Variants in SLC4A4 observed in about 807,000 individuals in gnomAD.
SLC4A4 encodes solute carrier family 4 member 4.
In SLC4A4, 27 loss-of-function variants were observed where a neutral mutation model predicts 111.5. The ratio of observed to expected loss-of-function variants is 0.24; its 90% CI spans 0.18 to 0.33. The LOEUF (loss-of-function observed/expected upper bound fraction) is 0.33, where lower values mean the gene tolerates loss of function less well. SLC4A4 is among the 10% of genes least tolerant of loss of function. The probability of loss-of-function intolerance (pLI) is 1.00; values close to 1 mark genes in which losing one functional copy is unlikely to be tolerated. For missense variants in SLC4A4, 909 were observed against 1,315.5 expected (o/e 0.69, Z 4.78); for synonymous variants, 443 against 463.4 (o/e 0.96, Z 0.57).
chr4:71,363,746 G>A (rs1731007009), intron 6 of SLC4A4, among the ~76,000 whole-genome samples: 1 of 152,030 alleles, frequency 6.6e-6, no homozygotes, highest in African/African-American at 2.4e-5. Context: ...GTTTTGTTCA[G>A]GACTCTCATT....
Position 71,255,335 on chromosome 4 carries a change from C to G in SLC4A4, c.189C>G (p.Asn63Lys). The change falls in exon 3 of 26, where the codon AAC (asparagine) becomes AAG (lysine). Residue 63 changes from asparagine to lysine, a missense_variant. Asn to Lys is a moderately conservative substitution (Grantham distance 94, BLOSUM62 0). Coordinates refer to ENST00000264485, the MANE Select transcript of SLC4A4 (RefSeq NM_001098484.3). ...EKKEKERISE[N>K]YSDKSDIENA... The stretch of plus-strand genomic sequence containing the variant: ...AGGAAAAGGAGAGAATCTCTGAGAA[C>G]TACTCTGACAAATCAGATATTGAAA... The G allele has an allele frequency of 6.2e-7, 1 of 1,613,582 alleles. No individual in the cohort carries two copies. The highest frequency in any genetic ancestry group is 1.3e-5 in the African/African-American group (1 of 74,984).
At chr4:71,160,938 A>G (rs1416126580) in intron 2 of SLC4A4, among the ~76,000 whole-genome samples, 1 of 152,252 alleles carries the variant, frequency 6.6e-6, no homozygotes. Flanking sequence ...GAAGTAGGTT[A>G]CCTTCAATAA....
chr4:71,260,708 G>T (rs1430985591), intron 3 of SLC4A4, among the ~76,000 whole-genome samples: 1 of 152,212 alleles, frequency 6.6e-6, no homozygotes, highest in African/African-American at 2.4e-5. Context: ...GTGGTTAAGA[G>T]TGCATATTTG....
chr4:71,414,943 C>A (rs974098400), intron 7 of SLC4A4, among the ~76,000 whole-genome samples: 2 of 152,164 alleles, frequency 1.3e-5, no homozygotes, highest in African/African-American at 4.8e-5. Context: ...TGAACATAGT[C>A]ATTCAAGGAT....
intron 2 of SLC4A4, among the ~76,000 whole-genome samples, chr4:71,254,179 T>C (rs1721276121): frequency 6.6e-6 from 1 of 152,152 alleles, no homozygotes; most frequent in South Asian, 2.1e-4. Context: ...GAAAATCTAA[T>C]CTAATTTGCA....
At chr4:71,286,984 T>C (rs1279911410) in intron 3 of SLC4A4, among the ~76,000 whole-genome samples, 1 of 152,212 alleles carries the variant, frequency 6.6e-6, no homozygotes, top group East Asian at 1.9e-4. Context: ...AGGTCATGCC[T>C]TTAGTCAATG....
In SLC4A4 at chr4:71,448,663, T is replaced by C. The variant is rs536436851; in HGVS notation, c.1053+930T>C. Among the ~76,000 whole-genome samples the C allele has an allele frequency of 8.9e-4, 136 of 152,322 alleles. No individual in the cohort carries two copies. The South Asian group carries it at 0.012, about 13-fold the overall frequency. ...ATGCATTTTAGATATGAGAAAATTC[T>C]GAACTATTCCCATAGGAGGAGAAAT... On this transcript the variant is annotated intron_variant, in intron 9 of 25. Coordinates refer to ENST00000264485, the MANE Select transcript of SLC4A4 (RefSeq NM_001098484.3).
intron 2 of SLC4A4, among the ~76,000 whole-genome samples, chr4:71,095,941 A>G (rs1290349915): frequency 6.6e-6 from 1 of 152,174 alleles, no homozygotes; most frequent in Non-Finnish European, 1.5e-5. Context: ...AGAAGACAGC[A>G]TGTATGAAAG....
chr4:71,079,894 A>G (rs894105667), intron 1 of SLC4A4, among the ~76,000 whole-genome samples: 1 of 151,062 alleles, frequency 6.6e-6, no homozygotes, highest in African/African-American at 2.5e-5. Context: ...GTTTAAGTGT[A>G]TGCTGAAAGC....
intron 3 of SLC4A4, among the ~76,000 whole-genome samples, chr4:71,275,337 A>T (rs1353466131): frequency 6.6e-6 from 1 of 152,220 alleles, no homozygotes; most frequent in Non-Finnish European, 1.5e-5. Context: ...TGAGCAAAGG[A>T]TCATTTAAAC....
intron 3 of SLC4A4, among the ~76,000 whole-genome samples, chr4:71,310,366 C>T (rs562749807): frequency 3.4e-4 from 52 of 152,040 alleles, no homozygotes; most frequent in Admixed American, 3.4e-3. Context: ...AAGAGCAACC[C>T]CAAGACACAT....
At chr4:71,335,523 C>A (rs1359559245) in intron 3 of SLC4A4, among the ~76,000 whole-genome samples, 1 of 152,018 alleles carries the variant, frequency 6.6e-6, no homozygotes, top group Admixed American at 6.6e-5. Flanking sequence ...TATTTTCTAC[C>A]AGGGATATTA....
At chr4:71,102,147 G>A (rs1351290770) in intron 2 of SLC4A4, among the ~76,000 whole-genome samples, 5 of 152,002 alleles carry the variant, frequency 3.3e-5, no homozygotes, top group South Asian at 2.1e-4. Context: ...GAGCAGATGC[G>A]ATCAACTGGA....
intron 1 of SLC4A4, among the ~76,000 whole-genome samples, chr4:71,198,495 C>T (rs1035793491): frequency 2.0e-5 from 3 of 152,148 alleles, no homozygotes; most frequent in African/African-American, 4.8e-5. Context: ...TAGAGAAACA[C>T]GCTGCATATC....
intron 1 of SLC4A4, among the ~76,000 whole-genome samples, chr4:71,216,677 G>T (rs1718448042): frequency 6.6e-6 from 1 of 152,174 alleles, no homozygotes. Flanking sequence ...TATCCCTCCT[G>T]CTCCATGCTG....
At chr4:71,532,026 G>A (rs767700020) in intron 16 of SLC4A4, 36 bp from the exon 17 acceptor site, 5 of 1,217,304 alleles carry the variant, frequency 4.1e-6, no homozygotes, top group Non-Finnish European at 4.9e-6. Context: ...TGTATCTGGT[G>A]CTAAATGGTT....
At chr4:71,194,865 A>G (rs1317850943) in intron 1 of SLC4A4, among the ~76,000 whole-genome samples, 3 of 152,210 alleles carry the variant, frequency 2.0e-5, no homozygotes, top group Non-Finnish European at 4.4e-5. Flanking sequence ...TTTCAGCTTA[A>G]TATAAATAAG....
Position 71,429,632 on chromosome 4 carries a change from TGTA to T in SLC4A4, c.808-10980_808-10978del, listed in dbSNP as rs1723462613. On this transcript the variant is annotated intron_variant, in intron 7 of 25. Coordinates refer to ENST00000264485, the MANE Select transcript of SLC4A4 (RefSeq NM_001098484.3). ...ACTAGTCAAAGTATTTTTGAATAAT[TGTA>T]GTACCACAAGGCAGCCATTTAAAAT... Among the ~76,000 whole-genome samples, 6 of 152,236 alleles carry T rather than the reference TGTA, an allele frequency of 3.9e-5. No individual in the cohort carries two copies. In the South Asian group the frequency reaches 1.2e-3, roughly 32 times the overall value.
chr4:71,194,594 C>T (rs565862030), intron 1 of SLC4A4, among the ~76,000 whole-genome samples: 1 of 152,190 alleles, frequency 6.6e-6, no homozygotes, highest in East Asian at 1.9e-4. Flanking sequence ...CTATATAGTT[C>T]ATATTGAATT....
Sources: allele counts gnomAD v4.1 joint callset (sites outside exome capture counted in the v4.1 genomes callset), GRCh38; gene constraint gnomAD v4.1.1; transcripts MANE v1.5; gene names NCBI Gene and HGNC (gene_info 2026-07-23, HGNC 2026-07-21).